TRPM6: variants seen among roughly 807,000 people sequenced by gnomAD.
TRPM6 encodes the protein channel kinase 2.
Under a neutral mutation model 247.6 loss-of-function variants are expected in TRPM6, and 111 were observed. The observed-to-expected ratio is 0.45, with a 90% CI of 0.38 to 0.52. TRPM6 has a LOEUF of 0.52. Among genes scored for constraint, TRPM6 ranks in the 20% least tolerant of loss-of-function variants. The probability of loss-of-function intolerance (pLI) is 0.00; values close to 1 mark genes in which losing one functional copy is unlikely to be tolerated. For missense variants in TRPM6, 2,126 were observed against 2,421.5 expected (o/e 0.88, Z 2.56); for synonymous variants, 892 against 853.8 (o/e 1.04, Z -0.78).
At position 74,722,619 on chromosome 9, in the gene TRPM6, T is replaced by G. The variant is rs1254012299; in HGVS notation, c.*1994A>C. On this transcript the variant is annotated 3_prime_UTR_variant, in exon 39 of 39. Transcript: ENST00000360774. ...AACTCTGCCTCTTTCCATAGTTGAGTGCAGCACTGAGGTGAGTACCAATTG... is the reference window on the plus strand; with the variant it reads ...AACTCTGCCTCTTTCCATAGTTGAGGGCAGCACTGAGGTGAGTACCAATTG... 6.6e-6 allele frequency: 1 copy of G among 152,196 alleles called. No homozygotes were observed. The highest frequency in any genetic ancestry group is 1.5e-5 in the Non-Finnish European group (1 of 68,036). The allele number at this position is 152,196 out of a possible 1,614,324, so 9.4% of individuals were successfully genotyped here.
intron 3 of TRPM6, among the ~76,000 whole-genome samples, chr9:74,854,040 AAAAG>A (rs1830449719): frequency 6.6e-6 from 1 of 152,238 alleles, no homozygotes; most frequent in Admixed American, 6.5e-5. Context: ...CAAAATACTG[AAAAG>A]AAAGCTCAGA....
intron 3 of TRPM6, among the ~76,000 whole-genome samples, chr9:74,851,679 G>A (rs1387825196): frequency 1.3e-5 from 2 of 151,182 alleles, no homozygotes; most frequent in Non-Finnish European, 2.9e-5. Context: ...AACCTGGGAG[G>A]TGGAGGTTGT....
chr9:74,824,144 T>C (rs751691287), intron 7 of TRPM6, among the ~76,000 whole-genome samples: 6 of 150,818 alleles, frequency 4.0e-5, no homozygotes, highest in Non-Finnish European at 7.4e-5. Flanking sequence ...AGAATTCAAT[T>C]TCTGTTAGGT....
At chr9:74,766,507 T>C (rs1165278956) in intron 25 of TRPM6, among the ~76,000 whole-genome samples, 3 of 152,222 alleles carry the variant, frequency 2.0e-5, no homozygotes, top group Non-Finnish European at 4.4e-5. Flanking sequence ...CCATATTCAC[T>C]GAGTGCTCAC....
Position 74,742,588 on chromosome 9 carries a change from T to C in TRPM6, c.5173A>G (p.Ile1725Val). Reference sequence around the variant, plus strand: ...AACAGTTGGACTGGTGTAAATGGTATGGTCTGAGAAAGCCTCATTAAATTA... The same window carrying C: ...AACAGTTGGACTGGTGTAAATGGTACGGTCTGAGAAAGCCTCATTAAATTA... ...RNNLMRLSQT[I>V]PFTPVQLFAG... Residue 1725 changes from isoleucine (I) to valine (V), a missense_variant, in exon 33 of 39, where the codon ATA becomes GTA. Ile to Val is a conservative substitution (Grantham distance 29, BLOSUM62 3). This residue lies in a region of TRPM6 where 327 missense variants were observed against 397.7 expected (regional missense o/e 0.82). Coordinates refer to ENST00000360774, the MANE Select transcript of TRPM6 (RefSeq NM_017662.5). 6.2e-7 allele frequency: 1 copy of C among 1,614,002 alleles called. No homozygotes were observed.
At chr9:74,781,536 CAAAAA>C (rs35938872) in intron 23 of TRPM6, among the ~76,000 whole-genome samples, 2 of 93,556 alleles carry the variant, frequency 2.1e-5, no homozygotes, top group East Asian at 3.4e-4. Context: ...GACTCTATCT[CAAAAA>C]AAAAAAAAAA....
intron 25 of TRPM6, among the ~76,000 whole-genome samples, chr9:74,770,882 C>T (rs1456005868): frequency 3.3e-5 from 5 of 152,126 alleles, no homozygotes; most frequent in Non-Finnish European, 7.4e-5. Context: ...GTCCCCATAC[C>T]AAGCTTCCCT....
At chr9:74,808,304 ATTAAT>A (rs960215680) in intron 13 of TRPM6, 130 bp from the exon 14 acceptor site, 53 of 1,179,652 alleles carry the variant, frequency 4.5e-5, no homozygotes, top group Non-Finnish European at 5.9e-5. Context: ...TTACAAACTG[ATTAAT>A]TTAAGTGACC....
chr9:74,863,296 C>A (rs1304882776), intron 1 of TRPM6, among the ~76,000 whole-genome samples: 1 of 151,962 alleles, frequency 6.6e-6, no homozygotes, highest in Non-Finnish European at 1.5e-5. Flanking sequence ...ATCCACCCGC[C>A]TCGGCCTCCC....
intron 3 of TRPM6, among the ~76,000 whole-genome samples, chr9:74,848,230 T>G (rs957529030): frequency 6.6e-6 from 1 of 152,232 alleles, no homozygotes; most frequent in Non-Finnish European, 1.5e-5. Context: ...GAAAGCACTT[T>G]ATGGCTCTTT....
chr9:74,741,295 C>T (rs1232138670), intron 33 of TRPM6, among the ~76,000 whole-genome samples: 2 of 151,974 alleles, frequency 1.3e-5, no homozygotes, highest in Non-Finnish European at 2.9e-5. Flanking sequence ...GCTGGTGTTT[C>T]ATTTCCCCCT....
At chr9:74,850,236 G>T (rs998431385) in intron 3 of TRPM6, among the ~76,000 whole-genome samples, 2 of 151,930 alleles carry the variant, frequency 1.3e-5, no homozygotes, top group Admixed American at 1.3e-4. Flanking sequence ...GCTGAGCGTG[G>T]TGGCACGTGC....
chr9:74,816,383 C>T (rs1383013782), intron 11 of TRPM6, among the ~76,000 whole-genome samples: 1 of 139,754 alleles, frequency 7.2e-6, no homozygotes, highest in Non-Finnish European at 1.5e-5. Context: ...AATAAAATAA[C>T]ATAAATATAT....
intron 25 of TRPM6, among the ~76,000 whole-genome samples, chr9:74,767,575 G>A (rs1001117865): frequency 2.0e-5 from 3 of 152,048 alleles, no homozygotes. Flanking sequence ...CCTCATTTAT[G>A]AGGTCCATAT....
intron 3 of TRPM6, among the ~76,000 whole-genome samples, chr9:74,848,006 C>T (rs765296422): frequency 3.3e-5 from 5 of 152,134 alleles, no homozygotes; most frequent in Admixed American, 6.5e-5. Flanking sequence ...ACAAATGCAA[C>T]GACTGTTTCA....
chr9:74,785,217 G>A (rs554120086), intron 21 of TRPM6, among the ~76,000 whole-genome samples: 1 of 152,286 alleles, frequency 6.6e-6, no homozygotes, highest in East Asian at 1.9e-4. Context: ...TATAGTCCCA[G>A]CTACTCAGGA....
chr9:74,865,015 G>A (rs900685805), intron 1 of TRPM6, among the ~76,000 whole-genome samples: 2 of 151,260 alleles, frequency 1.3e-5, no homozygotes, highest in Non-Finnish European at 2.9e-5. Context: ...GGAAGTTGCA[G>A]TGGGCTGAGA....
chr9:74,724,838 C>T, intron 38 of TRPM6, 92 bp from the exon 39 acceptor site: 1 of 1,502,838 alleles, frequency 6.7e-7, no homozygotes, highest in Non-Finnish European at 9.2e-7. Flanking sequence ...GCCAAGTGTT[C>T]AGAGAGATCT....
chr9:74,799,632 C>T (rs1393171456), intron 17 of TRPM6, among the ~76,000 whole-genome samples: 3 of 151,856 alleles, frequency 2.0e-5, no homozygotes, highest in Admixed American at 2.0e-4. Context: ...TGTTAGTATT[C>T]TTACACCGAG....
Sources: allele counts gnomAD v4.1 joint callset (sites outside exome capture counted in the v4.1 genomes callset), GRCh38; gene constraint gnomAD v4.1.1; regional missense constraint gnomAD v4.1.1; transcripts MANE v1.5; gene names NCBI Gene and HGNC (gene_info 2026-07-23, HGNC 2026-07-21).